DNM3: variants seen among roughly 807,000 people sequenced by gnomAD.
DNM3 encodes the protein dynamin-3.
In DNM3, 47 loss-of-function variants were observed where a neutral mutation model predicts 101.6. The ratio of observed to expected loss-of-function variants is 0.46; its 90% CI spans 0.37 to 0.59. DNM3 has a LOEUF of 0.59. Ranked by LOEUF, DNM3 falls within the 20% of genes least tolerant of loss-of-function variation. DNM3 has a pLI of 0.00. For synonymous variants in DNM3, 385 were observed against 387.9 expected, an observed-to-expected ratio of 0.99 and a Z score of 0.09; for missense variants, 849 against 1,085.7, an observed-to-expected ratio of 0.78 and a Z score of 3.06.
intron 15 of DNM3, among the ~76,000 whole-genome samples, chr1:172,287,866 A>C (rs1226705841): frequency 6.6e-6 from 1 of 151,746 alleles, no homozygotes. Flanking sequence ...CTCTGTTGCC[A>C]GGCTGTGGTA....
intron 11 of DNM3, among the ~76,000 whole-genome samples, chr1:172,072,570 G>A (rs1456484971): frequency 6.6e-6 from 1 of 152,180 alleles, no homozygotes; most frequent in African/African-American, 2.4e-5. Context: ...ATGTATATGT[G>A]AGAATAAATC....
chr1:171,998,237 T>C (rs1194060167), intron 4 of DNM3, among the ~76,000 whole-genome samples: 1 of 152,122 alleles, frequency 6.6e-6, no homozygotes, highest in African/African-American at 2.4e-5. Flanking sequence ...AGCCAAAATA[T>C]GAAATTTTAC....
At chr1:172,045,315 C>T (rs1447789725) in intron 9 of DNM3, among the ~76,000 whole-genome samples, 1 of 152,156 alleles carries the variant, frequency 6.6e-6, no homozygotes, top group Non-Finnish European at 1.5e-5. Flanking sequence ...ATTTATTTCT[C>T]ACGGTTCTGG....
At chr1:172,239,376 G>A (rs1034742190) in intron 14 of DNM3, among the ~76,000 whole-genome samples, 3 of 152,056 alleles carry the variant, frequency 2.0e-5, no homozygotes, top group Non-Finnish European at 4.4e-5. Context: ...TTTTTCCAAG[G>A]AAAAGGAAAT....
chr1:171,855,053 G>A (rs923005867), intron 1 of DNM3, among the ~76,000 whole-genome samples: 1 of 151,890 alleles, frequency 6.6e-6, no homozygotes, highest in African/African-American at 2.4e-5. Flanking sequence ...CCTCAAGGAG[G>A]CCCCAGTGTC....
intron 17 of DNM3, among the ~76,000 whole-genome samples, chr1:172,327,258 A>G (rs2065974266): frequency 6.6e-6 from 1 of 152,182 alleles, no homozygotes; most frequent in African/African-American, 2.4e-5. Context: ...ATTCGTGGGA[A>G]AAGTGGTTAT....
chr1:172,138,961 C>T (rs2057413143), intron 14 of DNM3: 5 of 471,096 alleles, frequency 1.1e-5, no homozygotes, highest in Non-Finnish European at 2.2e-5. Flanking sequence ...AGCCTGTTTT[C>T]CAGATTTGGT....
intron 14 of DNM3, among the ~76,000 whole-genome samples, chr1:172,250,015 A>G (rs2062107214): frequency 1.3e-5 from 2 of 152,202 alleles, no homozygotes; most frequent in African/African-American, 4.8e-5. Flanking sequence ...AGCTACTTAA[A>G]CAAGAGAGTT....
intron 14 of DNM3, among the ~76,000 whole-genome samples, chr1:172,221,409 AAT>A (rs2060902195): frequency 6.6e-6 from 1 of 152,040 alleles, no homozygotes; most frequent in African/African-American, 2.4e-5. Context: ...TCATGTCTGT[AAT>A]ATATATGTTT....
intron 4 of DNM3, among the ~76,000 whole-genome samples, chr1:171,993,891 AT>A (rs1238951494): frequency 6.6e-6 from 1 of 151,702 alleles, no homozygotes; most frequent in Admixed American, 6.6e-5. Flanking sequence ...TCTATAGTGA[AT>A]TTTTTTATTT....
At chr1:172,277,241 A>G (rs1280945887) in intron 15 of DNM3, among the ~76,000 whole-genome samples, 1 of 152,116 alleles carries the variant, frequency 6.6e-6, no homozygotes, top group Non-Finnish European at 1.5e-5. Context: ...GACTCTAACC[A>G]GCCTTAACGT....
intron 14 of DNM3, among the ~76,000 whole-genome samples, chr1:172,195,197 A>G (rs563338746): frequency 6.6e-6 from 1 of 152,078 alleles, no homozygotes; most frequent in African/African-American, 2.4e-5. Flanking sequence ...CATATCAATG[A>G]TGTTGTATTT....
At chr1:172,213,759 T>C (rs1572975080) in intron 14 of DNM3, among the ~76,000 whole-genome samples, 2 of 150,048 alleles carry the variant, frequency 1.3e-5, no homozygotes, top group African/African-American at 4.9e-5. Flanking sequence ...ACGTGGGAGG[T>C]AGAGGTTGTG....
At chr1:171,875,992 G>A (rs542441654) in intron 1 of DNM3, among the ~76,000 whole-genome samples, 1 of 151,962 alleles carries the variant, frequency 6.6e-6, no homozygotes, top group South Asian at 2.1e-4. Flanking sequence ...TGTATTTTTA[G>A]TAGAGACGGA....
chr1:172,354,347 C>T (rs2067345124), intron 17 of DNM3, among the ~76,000 whole-genome samples: 1 of 151,936 alleles, frequency 6.6e-6, no homozygotes, highest in Non-Finnish European at 1.5e-5. Context: ...GTTAACAGGC[C>T]CCCATTTCAC....
intron 14 of DNM3, among the ~76,000 whole-genome samples, chr1:172,241,639 A>G (rs1390966535): frequency 1.3e-5 from 2 of 152,040 alleles, no homozygotes; most frequent in Non-Finnish European, 2.9e-5. Context: ...CACAAAACAG[A>G]ATTTCCTGGG....
intron 7 of DNM3, among the ~76,000 whole-genome samples, chr1:172,040,400 A>AG (rs1345965172): frequency 6.6e-6 from 1 of 152,100 alleles, no homozygotes; most frequent in African/African-American, 2.4e-5. Context: ...TTTCCCTTTT[A>AG]GATTTTGAAT....
At chr1:172,132,758 G>A in intron 14 of DNM3, 1 of 613,008 alleles carries the variant, frequency 1.6e-6, no homozygotes, top group East Asian at 2.8e-5. Context: ...TGTTTTATAT[G>A]TATTAATTAA....
At position 172,042,066 on chromosome 1, in the gene DNM3, A is replaced by G. The variant is rs749509796; in HGVS notation, c.1050A>G (p.Gln350=). The G allele has an allele frequency of 1.2e-6, 2 of 1,611,374 alleles. No homozygotes were observed. The highest frequency in any genetic ancestry group is 1.1e-5 in the South Asian group (1 of 90,444). Residue 350 remains glutamine (Q), a synonymous_variant, in exon 8 of 21, where the codon CAA becomes CAG. Coordinates refer to ENST00000627582, the MANE Select transcript of DNM3 (RefSeq NM_015569.5). The part of the protein sequence containing the change: ...FEKRIEGSGD[Q]VDTLELSGGA... The stretch of plus-strand genomic sequence containing the variant: ...AGAGAATTGAAGGGTCAGGGGATCA[A>G]GTAGATACCCTGGAACTCTCAGGTG...
Sources: gnomAD v4.1 joint callset for allele counts (sites outside exome capture counted in the v4.1 genomes callset) on GRCh38, gnomAD v4.1.1 for gene constraint, MANE v1.5 for transcripts, NCBI Gene and HGNC (gene_info 2026-07-23, HGNC 2026-07-21) for gene names.